Variants in FRMPD4 observed in about 807,000 individuals in gnomAD.
FRMPD4 encodes FERM and PDZ domain-containing protein 4.
Under a neutral mutation model 94.1 loss-of-function variants are expected in FRMPD4, and 22 were observed. That is an observed-to-expected ratio of 0.23 (90% confidence interval 0.17 to 0.33). The LOEUF is 0.33. Ranked by LOEUF, FRMPD4 falls within the 10% of genes least tolerant of loss-of-function variation. The pLI, the probability that FRMPD4 is intolerant of heterozygous loss-of-function variation, is 1.00. For synonymous variants in FRMPD4, 631 were observed against 548.6 expected (o/e 1.15, Z -2.10); for missense variants, 1,111 against 1,339.9 (o/e 0.83, Z 2.67).
chrX:12,133,971 A>G (rs763176216), upstream of FRMPD4, among the ~76,000 whole-genome samples: 5 of 110,589 alleles, frequency 4.5e-5, no homozygotes, highest in East Asian at 1.1e-3. Flanking sequence ...AAATTCGCTC[A>G]CTCTCACTTC....
chrX:12,600,939 T>G (rs1394761494), intron 2 of FRMPD4, among the ~76,000 whole-genome samples: 1 of 112,380 alleles, frequency 8.9e-6, no homozygotes, highest in Non-Finnish European at 1.9e-5. Context: ...ATTGTTGAAT[T>G]TTTTAAAAAA....
intron 2 of FRMPD4, among the ~76,000 whole-genome samples, chrX:12,607,476 G>T (rs143002808): frequency 9.0e-6 from 1 of 111,654 alleles, no homozygotes; most frequent in Admixed American, 9.5e-5. Flanking sequence ...TTCATGTTCT[G>T]CTGTCTTGAA....
At chrX:12,143,239 G>A (rs757744908) in intron 1 of FRMPD4, among the ~76,000 whole-genome samples, 1 of 112,511 alleles carries the variant, frequency 8.9e-6, no homozygotes, top group South Asian at 3.7e-4. Flanking sequence ...GCTAAAACAG[G>A]GGTTGGCATA....
At chrX:12,142,865 A>G (rs192742068) in intron 1 of FRMPD4, among the ~76,000 whole-genome samples, 28 of 111,910 alleles carry the variant, frequency 2.5e-4, no homozygotes, top group African/African-American at 9.1e-4. Flanking sequence ...TGACAGCTGC[A>G]GTGAAACTTA....
intron 4 of FRMPD4, among the ~76,000 whole-genome samples, chrX:12,630,953 C>T (rs192487191): frequency 1.5e-3 from 169 of 111,691 alleles, no homozygotes; most frequent in Middle Eastern, 0.014. Context: ...GAGGGTAATC[C>T]GGAGAAACAG....
chrX:12,636,960 T>C (rs748786252), intron 4 of FRMPD4, among the ~76,000 whole-genome samples: 174 of 112,175 alleles, frequency 1.6e-3, no homozygotes, highest in Admixed American at 2.7e-3. Context: ...CTTGTATGTT[T>C]GTTGCTCCAA....
chrX:12,326,372 C>A (rs1398866269), intron 1 of FRMPD4, among the ~76,000 whole-genome samples: 1 of 111,739 alleles, frequency 8.9e-6, no homozygotes, highest in Non-Finnish European at 1.9e-5. Flanking sequence ...GCATTATTGG[C>A]ATTTGGGGCT....
intron 1 of FRMPD4, among the ~76,000 whole-genome samples, chrX:12,418,412 G>T (rs139247441): frequency 0.051 from 5,011 of 98,358 alleles, 173 homozygotes; most frequent in Middle Eastern, 0.11. Flanking sequence ...AGGCTGGAGT[G>T]CAGTGGTGCA....
intron 3 of FRMPD4, among the ~76,000 whole-genome samples, chrX:12,068,101 A>T (rs2054936791): frequency 9.0e-6 from 1 of 111,245 alleles, no homozygotes; most frequent in Non-Finnish European, 1.9e-5. Flanking sequence ...AAATGATTTG[A>T]AGATGCTATG....
chrX:11,920,813 G>A (rs753117169), intron 3 of FRMPD4, among the ~76,000 whole-genome samples: 1 of 111,842 alleles, frequency 8.9e-6, no homozygotes, highest in African/African-American at 3.3e-5. Context: ...GGGCCCAGCT[G>A]CTGCTCATTC....
chrX:12,610,747 C>CAGA (rs756915635), intron 3 of FRMPD4, among the ~76,000 whole-genome samples: 3 of 83,035 alleles, frequency 3.6e-5, no homozygotes, highest in Admixed American at 1.4e-4. Context: ...GACCCTGTCT[C>CAGA]AAAAAAAAAA....
chrX:12,581,537 A>T (rs1295147436), intron 2 of FRMPD4, among the ~76,000 whole-genome samples: 3 of 112,436 alleles, frequency 2.7e-5, no homozygotes, highest in Non-Finnish European at 5.6e-5. Flanking sequence ...AATTTTGCTT[A>T]AACTAATGGC....
At chrX:11,875,912 G>T (rs1481050363) in intron 2 of FRMPD4, among the ~76,000 whole-genome samples, 94 of 79,175 alleles carry the variant, frequency 1.2e-3, no homozygotes, top group Non-Finnish European at 1.7e-3. Context: ...GTCTCGCTCT[G>T]TCGCCCAGGC....
intron 3 of FRMPD4, among the ~76,000 whole-genome samples, chrX:12,089,048 T>A (rs2055133298): frequency 8.9e-6 from 1 of 112,482 alleles, no homozygotes; most frequent in Non-Finnish European, 1.9e-5. Flanking sequence ...ATGCTATATA[T>A]AAATGCTATG....
At chrX:12,673,286 G>A (rs753406481) in intron 4 of FRMPD4, among the ~76,000 whole-genome samples, 11 of 112,010 alleles carry the variant, frequency 9.8e-5, no homozygotes, top group Non-Finnish European at 1.5e-4. Flanking sequence ...GCCTGTGAAC[G>A]AGGAAAACTT....
At chrX:12,628,621 T>G (rs2059368420) in intron 4 of FRMPD4, among the ~76,000 whole-genome samples, 1 of 112,750 alleles carries the variant, frequency 8.9e-6, no homozygotes. Flanking sequence ...CAAGGCTATC[T>G]GGGGGTTCCC....
chrX:11,953,682 A>C (rs5935204), intron 3 of FRMPD4, among the ~76,000 whole-genome samples: 7,551 of 111,543 alleles, frequency 0.068, 257 homozygotes, highest in East Asian at 0.21. Context: ...CAAGGCTAGA[A>C]AGAACCAGAC....
intron 4 of FRMPD4, among the ~76,000 whole-genome samples, chrX:12,638,935 G>A (rs910313420): frequency 4.5e-5 from 5 of 111,226 alleles, no homozygotes; most frequent in East Asian, 5.6e-4. Flanking sequence ...ATGGCTGTCC[G>A]CAGCTTGTTT....
chrX:11,844,374 A>G (rs2053561291), intron 1 of FRMPD4, among the ~76,000 whole-genome samples: 1 of 109,738 alleles, frequency 9.1e-6, no homozygotes, highest in African/African-American at 3.3e-5. Context: ...TTTTCTGAAT[A>G]TAGGATTTGT....
Sources: allele counts gnomAD v4.1 joint callset (sites outside exome capture counted in the v4.1 genomes callset), GRCh38; gene constraint gnomAD v4.1.1; transcripts MANE v1.5; gene names NCBI Gene and HGNC (gene_info 2026-07-23, HGNC 2026-07-21).